The following WASF3 variants were observed in gnomAD, a reference collection of about 807,000 sequenced individuals.
WASF3 encodes the protein WASP family member 3.
WASF3 carries 11 observed loss-of-function variants against 46.6 expected under a neutral mutation model. That is an observed-to-expected ratio of 0.24 (90% confidence interval 0.15 to 0.39). The LOEUF is 0.39. Ranked by LOEUF, WASF3 falls within the 10% of genes least tolerant of loss-of-function variation. WASF3 has a pLI of 1.00. For missense variants in WASF3, 576 were observed against 669.8 expected (o/e 0.86, Z 1.55); for synonymous variants, 242 against 259.7 (o/e 0.93, Z 0.65).
chr13:26,688,410 T>G lies in WASF3; in HGVS notation c.*2565T>G, dbSNP rs953251731. The G allele has an allele frequency of 1.3e-5, 2 of 152,226 alleles. No homozygotes were observed. The highest frequency in any genetic ancestry group is 4.8e-5 in the African/African-American group (2 of 41,454). The allele number at this position is 152,226 out of a possible 1,614,324, so 9.4% of individuals were successfully genotyped here. Reference sequence around the variant, plus strand: ...TATTATTTCTCCACGTCTGTTTTAGTTTAATGTCTCCTAAGCTTTTCTCTC... The same window carrying G: ...TATTATTTCTCCACGTCTGTTTTAGGTTAATGTCTCCTAAGCTTTTCTCTC... On this transcript the variant is annotated 3_prime_UTR_variant, in exon 10 of 10. Coordinates refer to ENST00000335327, the MANE Select transcript of WASF3 (RefSeq NM_006646.6).
At chr13:26,625,033 A>G (rs558540819) in intron 2 of WASF3, among the ~76,000 whole-genome samples, 42 of 152,280 alleles carry the variant, frequency 2.8e-4, no homozygotes, top group Admixed American at 3.3e-4. Context: ...GGCGGTTGGG[A>G]TCTAAACAAA....
Position 26,566,942 on chromosome 13 carries a change from T to A in WASF3, c.-109+9123T>A, listed in dbSNP as rs117595942. Among the ~76,000 whole-genome samples the A allele has an allele frequency of 2.0e-5, 3 of 152,352 alleles. No individual in the cohort carries two copies. In the East Asian group the frequency reaches 5.8e-4, roughly 29 times the overall value. On this transcript the variant is annotated intron_variant, in intron 1 of 9. Coordinates refer to ENST00000335327, the MANE Select transcript of WASF3 (RefSeq NM_006646.6). The stretch of plus-strand genomic sequence containing the variant: ...TCTATGCTGTCATTTTCACCATGCA[T>A]AAAGAAGATACCAGTTTCTTTTCCT...
At chr13:26,648,765 G>A (rs943569954) in intron 3 of WASF3, among the ~76,000 whole-genome samples, 13 of 152,078 alleles carry the variant, frequency 8.5e-5, no homozygotes, top group Non-Finnish European at 2.9e-5. Context: ...AGTGCAGGTA[G>A]GTAAAAAGTA....
intron 6 of WASF3, among the ~76,000 whole-genome samples, chr13:26,673,923 G>C (rs982872410): frequency 3.3e-5 from 5 of 152,110 alleles, no homozygotes; most frequent in African/African-American, 1.2e-4. Flanking sequence ...CCAAGGGAGG[G>C]TAGCAGAAGT....
Position 26,686,280 on chromosome 13 carries a change from T to C in WASF3, c.*435T>C, listed in dbSNP as rs1883403195. 1.3e-5 allele frequency: 2 copies of C among 154,400 alleles called. No homozygotes were observed. The highest frequency in any genetic ancestry group is 4.8e-5 in the African/African-American group (2 of 41,494). The allele number at this position is 154,400 out of a possible 1,614,324, so 9.6% of individuals were successfully genotyped here. On this transcript the variant is annotated 3_prime_UTR_variant, in exon 10 of 10. Transcript: ENST00000335327. Reference sequence around the variant, plus strand: ...AAGTGATATTGTTTCACCGCTTTGGTTTTTCCTTTTGTTTTTTTAAAGGAT... The same window carrying C: ...AAGTGATATTGTTTCACCGCTTTGGCTTTTCCTTTTGTTTTTTTAAAGGAT...
intron 2 of WASF3, among the ~76,000 whole-genome samples, chr13:26,626,629 C>T (rs1423866712): frequency 2.6e-5 from 4 of 152,144 alleles, no homozygotes; most frequent in African/African-American, 9.7e-5. Context: ...ACCGTATGCT[C>T]TCCAAAATAA....
intron 1 of WASF3, among the ~76,000 whole-genome samples, chr13:26,582,676 CAAAA>C (rs398022033): frequency 5.6e-5 from 3 of 53,400 alleles, no homozygotes; most frequent in African/African-American, 2.5e-4. Flanking sequence ...GACTCCGTCT[CAAAA>C]AAAAAAAAAA....
At chr13:26,663,791 A>G (rs1173873860) in intron 3 of WASF3, among the ~76,000 whole-genome samples, 1 of 152,226 alleles carries the variant, frequency 6.6e-6, no homozygotes, top group East Asian at 1.9e-4. Context: ...ATGGCATGAA[A>G]TAATTCATGA....
At chr13:26,554,096 C>CTTCTTTCTTTCTTTCT (rs57590764), upstream of WASF3, among the ~76,000 whole-genome samples, 297 of 7,336 alleles carry the variant, frequency 0.04, 45 homozygotes, top group East Asian at 0.079. Context: ...TCCTTCCTTC[C>CTTCTTTCTTTCTTTCT]TTCTTTCTTT....
chr13:26,573,611 A>C (rs1593373269), intron 1 of WASF3, among the ~76,000 whole-genome samples: 2 of 152,250 alleles, frequency 1.3e-5, no homozygotes, highest in African/African-American at 4.8e-5. Context: ...AGTTGTATAA[A>C]TTTTTAGGTG....
At chr13:26,614,689 G>A (rs1030777799) in intron 2 of WASF3, among the ~76,000 whole-genome samples, 15 of 152,230 alleles carry the variant, frequency 9.9e-5, no homozygotes, top group African/African-American at 3.6e-4. Flanking sequence ...TGTCAGGCAA[G>A]CATTTATTTT....
At chr13:26,562,564 G>C (rs1879326060) in intron 1 of WASF3, among the ~76,000 whole-genome samples, 1 of 152,084 alleles carries the variant, frequency 6.6e-6, no homozygotes, top group Non-Finnish European at 1.5e-5. Flanking sequence ...TAAATGGGGG[G>C]ATTTGAGCAT....
chr13:26,658,025 T>A (rs9512308), intron 3 of WASF3, among the ~76,000 whole-genome samples: 3 of 152,026 alleles, frequency 2.0e-5, no homozygotes, highest in African/African-American at 4.8e-5. Flanking sequence ...CAAATGTTGC[T>A]TGTCCTTTTC....
chr13:26,675,861 A>G (rs554011646), intron 6 of WASF3, among the ~76,000 whole-genome samples: 1 of 152,318 alleles, frequency 6.6e-6, no homozygotes, highest in East Asian at 1.9e-4. Context: ...CATGATTCTC[A>G]TCCTTAAAGA....
chr13:26,612,063 A>AC (rs1267253271), intron 1 of WASF3, among the ~76,000 whole-genome samples: 1 of 151,926 alleles, frequency 6.6e-6, no homozygotes, highest in Non-Finnish European at 1.5e-5. Flanking sequence ...CTGAAGCTGC[A>AC]CCCCGCCCCA....
chr13:26,682,727 GC>G lies in WASF3; in HGVS notation c.1109del (p.Pro370ArgfsTer55), dbSNP rs1883271542. On this transcript the variant is annotated frameshift_variant, in exon 9 of 10. Transcript: ENST00000335327. LOFTEE classifies it high-confidence loss of function. The surrounding 1 kb of genome is among the most constrained non-coding windows in gnomAD (Gnocchi z 4.4). Reference sequence around the variant, plus strand: ...TCAGCCCTCTCCAGATGCCCATGCAGCCCCCGTTCCCTGCATCAGCCAGCTC... The same window carrying G: ...TCAGCCCTCTCCAGATGCCCATGCAGCCCCGTTCCCTGCATCAGCCAGCTC... ...FVSPLQMPMQ[P>X]PFPASASSTH... is the part of the protein sequence containing the mutation. 1 of 1,613,870 alleles carries G rather than the reference GC, an allele frequency of 6.2e-7. No homozygotes were observed.
chr13:26,572,839 C>G (rs1031150179), intron 1 of WASF3, among the ~76,000 whole-genome samples: 1 of 152,172 alleles, frequency 6.6e-6, no homozygotes, highest in African/African-American at 2.4e-5. Context: ...AGGCGGGAGC[C>G]ACCGCGCCTG....
the WASF3 span, among the ~76,000 whole-genome samples, chr13:26,540,322 T>A: frequency 1.3e-5 from 2 of 152,152 alleles, no homozygotes; most frequent in African/African-American, 4.8e-5. Context: ...GGCTCATAAG[T>A]GGAGCTGGAA....
intron 2 of WASF3, among the ~76,000 whole-genome samples, chr13:26,616,395 C>G (rs2137232000): frequency 6.6e-6 from 1 of 152,258 alleles, no homozygotes; most frequent in Admixed American, 6.5e-5. Flanking sequence ...TGCTTGCCAT[C>G]TGCATAACTT....
Sources: gnomAD v4.1 joint callset for allele counts (sites outside exome capture counted in the v4.1 genomes callset) on GRCh38, gnomAD v4.1.1 for gene constraint, Gnocchi (gnomAD v3.1) non-coding constraint, MANE v1.5 for transcripts, NCBI Gene and HGNC (gene_info 2026-07-23, HGNC 2026-07-21) for gene names.